The following IL17RD variants were observed in gnomAD, a reference collection of about 807,000 sequenced individuals.
IL17RD encodes interleukin 17 receptor D.
A neutral mutation model predicts 80.5 loss-of-function variants in IL17RD; 52 were observed. The ratio of observed to expected loss-of-function variants is 0.65; its 90% CI spans 0.52 to 0.81. IL17RD has a LOEUF of 0.81. Ranked by LOEUF, IL17RD falls within the 40% of genes least tolerant of loss-of-function variation. The pLI, the probability that IL17RD is intolerant of heterozygous loss-of-function variation, is 0.00. For missense variants in IL17RD, 1,024 were observed against 955.1 expected (o/e 1.07, Z -0.95); for synonymous variants, 416 against 391.8 (o/e 1.06, Z -0.73).
At chr3:57,113,831 C>T (rs569420083) in intron 3 of IL17RD, among the ~76,000 whole-genome samples, 19 of 152,192 alleles carry the variant, frequency 1.2e-4, no homozygotes, top group African/African-American at 4.1e-4. Flanking sequence ...GTGTAAGCCA[C>T]CATGCTTGGC....
At chr3:57,136,541 G>T (rs561556159) in intron 1 of IL17RD, among the ~76,000 whole-genome samples, 1 of 150,774 alleles carries the variant, frequency 6.6e-6, no homozygotes, top group Non-Finnish European at 1.5e-5. Flanking sequence ...AGGATCTCTT[G>T]AGCCCAGGAG....
chr3:57,158,463 G>A (rs948030077), intron 1 of IL17RD, among the ~76,000 whole-genome samples: 1 of 152,158 alleles, frequency 6.6e-6, no homozygotes, highest in Non-Finnish European at 1.5e-5. Flanking sequence ...GCCCATTTCC[G>A]TTTTAGAAGA....
chr3:57,105,923 G>C lies in IL17RD; in HGVS notation c.681C>G (p.Phe227Leu), dbSNP rs1344599024. ...GCTTGTAGTGAAGATAGAAGAAACGGAAGCCGAAGTTGTGCGGTGCATGGT... is the reference window on the plus strand; with the variant it reads ...GCTTGTAGTGAAGATAGAAGAAACGCAAGCCGAAGTTGTGCGGTGCATGGT... ...SFDHAPHNFG[F>L]RFFYLHYKLK... The change falls in exon 7 of 13, where the codon TTC becomes TTG. Residue 227 changes from phenylalanine (F) to leucine (L), a missense_variant. Physicochemically the swap from Phe to Leu is conservative, Grantham distance 22. Transcript: ENST00000296318. 1 of 1,613,952 alleles carries C rather than the reference G, an allele frequency of 6.2e-7. No individual in the cohort carries two copies. Among genetic ancestry groups the C allele is most frequent in the South Asian group, 1.1e-5 (1 of 91,074 alleles).
At chr3:57,127,014 A>C (rs1397773879) in intron 1 of IL17RD, among the ~76,000 whole-genome samples, 2 of 150,798 alleles carry the variant, frequency 1.3e-5, no homozygotes, top group Non-Finnish European at 2.9e-5. Context: ...TAGTAGAGAC[A>C]GGGTTTTGCC....
In IL17RD at chr3:57,095,542, C is replaced by A. The variant is rs1196286771; in HGVS notation, c.*851G>T. On this transcript the variant is annotated 3_prime_UTR_variant, in exon 13 of 13. Transcript: ENST00000296318. ...GAACTGCAACTTCCAATAATACAGACCAGCTGGGTAGCAGTCTCTTAAGAA... is the reference window on the plus strand; with the variant it reads ...GAACTGCAACTTCCAATAATACAGAACAGCTGGGTAGCAGTCTCTTAAGAA... The A allele has an allele frequency of 6.6e-6, 1 of 152,228 alleles. No homozygotes were observed. Among genetic ancestry groups the A allele is most frequent in the Non-Finnish European group, 1.5e-5 (1 of 68,070 alleles). 9.4% of individuals were successfully genotyped at this position (152,228 alleles called of 1,614,324 possible).
Position 57,109,618 on chromosome 3 carries a change from T to C in IL17RD, c.469A>G (p.Thr157Ala). The change falls in exon 5 of 13, where the codon ACG becomes GCG. Residue 157 changes from threonine to alanine, a missense_variant. Thr to Ala is a moderately conservative substitution (Grantham distance 58). Transcript: ENST00000296318. ...GGGACAACCTTTACGAAATAATCCG[T>C]TTCAAATTTCATATTCAGGAAAGGT... is the stretch of plus-strand genomic sequence containing the variant. Reference protein sequence around the residue: ...SQPFLNMKFETDYFVKVVPFP... With the variant: ...SQPFLNMKFEADYFVKVVPFP... 2 of 1,613,460 alleles carry C rather than the reference T, an allele frequency of 1.2e-6. No individual in the cohort carries two copies. The highest frequency in any genetic ancestry group is 1.7e-6 in the Non-Finnish European group (2 of 1,179,516).
chr3:57,101,057 T>C, intron 11 of IL17RD, 122 bp downstream of exon 11: 2 of 679,032 alleles, frequency 2.9e-6, no homozygotes, highest in Non-Finnish European at 5.1e-6. Context: ...GTTTGAAAGC[T>C]GTGGCACTAG....
intron 1 of IL17RD, among the ~76,000 whole-genome samples, chr3:57,163,083 T>C (rs1457441091): frequency 6.6e-6 from 1 of 151,352 alleles, no homozygotes; most frequent in Non-Finnish European, 1.5e-5. Flanking sequence ...CTGGAAAGGG[T>C]GGGAATGCAA....
intron 3 of IL17RD, 121 bp from the exon 4 acceptor site, chr3:57,110,432 GC>G: frequency 9.0e-7 from 1 of 1,116,678 alleles, no homozygotes; most frequent in Non-Finnish European, 1.3e-6. Flanking sequence ...TCTAACTGTG[GC>G]CAGGGTATCT....
chr3:57,121,191 T>C (rs1707330178), intron 1 of IL17RD, among the ~76,000 whole-genome samples: 1 of 152,238 alleles, frequency 6.6e-6, no homozygotes, highest in Admixed American at 6.5e-5. Context: ...TGGGAAAATA[T>C]TCCAGCCACA....
rs988265626 is a variant in IL17RD, at chr3:57,091,848, C to T, written c.*4545G>A. On this transcript the variant is annotated 3_prime_UTR_variant, in exon 13 of 13. Coordinates refer to ENST00000296318, the MANE Select transcript of IL17RD (RefSeq NM_017563.5). ...CCATATGTCTGGAATAATTCAGGCA[C>T]AGCCCTGTCTGACACCAGGGGGAGA... The T allele has an allele frequency of 6.6e-6, 1 of 152,164 alleles. No individual in the cohort carries two copies. Among genetic ancestry groups the T allele is most frequent in the African/African-American group, 2.4e-5 (1 of 41,418 alleles). 9.4% of individuals were successfully genotyped at this position (152,164 alleles called of 1,614,324 possible). A position where few individuals can be genotyped will look rare whatever the true frequency, so the allele number is the denominator to read the frequency against.
rs1706568474 is a variant in IL17RD, at chr3:57,092,112, T to G, written c.*4281A>C. 1 of 152,624 alleles carries G rather than the reference T, an allele frequency of 6.6e-6. No homozygotes were observed. The allele number at this position is 152,624 out of a possible 1,614,324, so 9.5% of individuals were successfully genotyped here. On this transcript the variant is annotated 3_prime_UTR_variant, in exon 13 of 13. Coordinates refer to ENST00000296318, the MANE Select transcript of IL17RD (RefSeq NM_017563.5). ...AAACACAGTCAATTCACAGACCACT[T>G]AAAACGGAAGATAATGCAAATACCT...
chr3:57,121,258 C>A (rs951031639), intron 1 of IL17RD, among the ~76,000 whole-genome samples: 1 of 152,182 alleles, frequency 6.6e-6, no homozygotes, highest in East Asian at 1.9e-4. Context: ...TGCGGGCAGC[C>A]TGGCATTTAA....
chr3:57,154,283 T>TATATATATACACACACACACACACACAC (rs904157398), intron 1 of IL17RD, among the ~76,000 whole-genome samples: 14 of 112,898 alleles, frequency 1.2e-4, no homozygotes, highest in African/African-American at 4.4e-4. Flanking sequence ...TATATATATA[T>TATATATATACACACACACACACACACAC]ACACACACAC....
rs2107468829 is a variant in IL17RD, at chr3:57,101,341, A to T, written c.1002T>A (p.Asp334Glu). 2 of 1,607,044 alleles carry T rather than the reference A, an allele frequency of 1.2e-6. No homozygotes were observed. The highest frequency in any genetic ancestry group is 1.7e-6 in the Non-Finnish European group (2 of 1,175,588). Residue 334 changes from aspartate to glutamate, a missense_variant, in exon 11 of 13, where the codon GAT (aspartate) becomes GAA (glutamate). Coordinates refer to ENST00000296318, the MANE Select transcript of IL17RD (RefSeq NM_017563.5). The stretch of plus-strand genomic sequence containing the variant: ...ATGTGGAAGACTCAGAGCTCTCTTC[A>T]TCTAAATGTGAATATATATTTTCTA... ...KQQENIYSHL[D>E]EESSESSTYT...
intron 11 of IL17RD, among the ~76,000 whole-genome samples, chr3:57,099,048 C>T (rs1490937385): frequency 6.6e-6 from 1 of 152,196 alleles, no homozygotes; most frequent in Non-Finnish European, 1.5e-5. Context: ...GCCTGGATGC[C>T]AGTCACCCAC....
intron 1 of IL17RD, among the ~76,000 whole-genome samples, chr3:57,155,383 C>T (rs1243149806): frequency 1.3e-5 from 2 of 152,224 alleles, no homozygotes; most frequent in Admixed American, 1.3e-4. Flanking sequence ...AACAGACACT[C>T]GGCCAGGTGT....
At chr3:57,102,449 T>C in intron 10 of IL17RD, 30 bp downstream of exon 10, 1 of 1,311,562 alleles carries the variant, frequency 7.6e-7, no homozygotes, top group Non-Finnish European at 1.1e-6. Flanking sequence ...TGCCCCTTGT[T>C]GTGGGGAGAC....
In IL17RD at chr3:57,110,232, T is replaced by C. The variant is rs755353532; in HGVS notation, c.390A>G (p.Leu130=). Residue 130 remains leucine, a synonymous_variant, in exon 4 of 13, where the codon CTA becomes CTG. Coordinates refer to ENST00000296318, the MANE Select transcript of IL17RD (RefSeq NM_017563.5). The stretch of plus-strand genomic sequence containing the variant: ...TACTGTTGAGCTGCTTCGGATCCTT[T>C]AGAATCAGTTGTTGGCACTGTCTTC... The part of the protein sequence containing the change: ...SEGRQCQQLI[L]KDPKQLNSSF... 1 of 1,608,346 alleles carries C rather than the reference T, an allele frequency of 6.2e-7. No homozygotes were observed. Among genetic ancestry groups the C allele is most frequent in the Non-Finnish European group, 8.5e-7 (1 of 1,177,254 alleles).
Sources: allele counts gnomAD v4.1 joint callset (sites outside exome capture counted in the v4.1 genomes callset), GRCh38; gene constraint gnomAD v4.1.1; transcripts MANE v1.5; gene names NCBI Gene and HGNC (gene_info 2026-07-23, HGNC 2026-07-21).